The following WSCD2 variants were observed in gnomAD, a reference collection of about 807,000 sequenced individuals.
WSCD2 encodes WSC domain sialate O sulfotransferase 2.
Under a neutral mutation model 55.7 loss-of-function variants are expected in WSCD2, and 28 were observed. The ratio of observed to expected loss-of-function variants is 0.50; its 90% CI spans 0.37 to 0.69. The LOEUF is 0.69. Among genes scored for constraint, WSCD2 ranks in the 30% least tolerant of loss-of-function variants. The pLI, the probability that WSCD2 is intolerant of heterozygous loss-of-function variation, is 0.00. For synonymous variants in WSCD2, 301 were observed against 301.9 expected (o/e 1.00, Z 0.03); for missense variants, 616 against 762.1 (o/e 0.81, Z 2.26).
At chr12:108,172,775 G>A (rs962501505) in intron 1 of WSCD2, among the ~76,000 whole-genome samples, 1 of 152,164 alleles carries the variant, frequency 6.6e-6, no homozygotes, top group Non-Finnish European at 1.5e-5. Context: ...ACAGAGCTGT[G>A]AGAGAGTAAA....
At chr12:108,226,648 T>A (rs1888125865) in intron 5 of WSCD2, among the ~76,000 whole-genome samples, 1 of 152,196 alleles carries the variant, frequency 6.6e-6, no homozygotes, top group African/African-American at 2.4e-5. Flanking sequence ...ATCACTTGTT[T>A]TGTTTCTATA....
intron 8 of WSCD2, among the ~76,000 whole-genome samples, chr12:108,247,014 G>A (rs6539420): frequency 0.97 from 147,525 of 152,306 alleles, 71,464 homozygotes; most frequent in East Asian, 1. Flanking sequence ...TAGAAACTTT[G>A]TTATATGTTT....
intron 8 of WSCD2, 122 bp downstream of exon 8, chr12:108,240,666 TGGA>T: frequency 1.7e-6 from 2 of 1,173,488 alleles, no homozygotes; most frequent in Non-Finnish European, 1.2e-6. Flanking sequence ...CGAGGAACCC[TGGA>T]GGACATCCTG....
rs760590211 is a variant in WSCD2, at chr12:108,195,967, C to G, written c.135C>G (p.Val45=). The G allele has an allele frequency of 6.2e-7, 1 of 1,614,226 alleles. No homozygotes were observed. Among genetic ancestry groups the G allele is most frequent in the Non-Finnish European group, 8.5e-7 (1 of 1,180,036 alleles). Residue 45 remains valine (V), a synonymous_variant, in exon 2 of 9, where the codon GTC becomes GTG. Transcript: ENST00000547525. ...CTGGCTTTGTGGGCCAGCCCGCTGT[C>G]TCGGGGAACCAGGCGAACCCCGCTG... ...LHSGFVGQPA[V]SGNQANPAAA...
chr12:108,161,380 C>T (rs1879036432), intron 1 of WSCD2, among the ~76,000 whole-genome samples: 1 of 152,118 alleles, frequency 6.6e-6, no homozygotes, highest in African/African-American at 2.4e-5. Flanking sequence ...GAGTGGGCCC[C>T]TAATCCAATG....
chr12:108,166,765 C>CTTTCTTTCTT (rs2136955823), intron 1 of WSCD2, among the ~76,000 whole-genome samples: 1 of 120,306 alleles, frequency 8.3e-6, no homozygotes, highest in African/African-American at 3.1e-5. Context: ...TCTTTCTTTT[C>CTTTCTTTCTT]TTTCTTTCTT....
chr12:108,237,010 A>G (rs1889325785), intron 7 of WSCD2, among the ~76,000 whole-genome samples: 1 of 152,188 alleles, frequency 6.6e-6, no homozygotes, highest in East Asian at 1.9e-4. Context: ...ACATCAGCCT[A>G]CAGAGTTGGC....
Position 108,195,627 on chromosome 12 carries a change from G to A in WSCD2, c.-206G>A. 1 of 688,778 alleles carries A rather than the reference G, an allele frequency of 1.5e-6. No individual in the cohort carries two copies. Among genetic ancestry groups the A allele is most frequent in the Non-Finnish European group, 2.3e-6 (1 of 431,240 alleles). 42.7% of individuals were successfully genotyped at this position (688,778 alleles called of 1,614,324 possible). A position where few individuals can be genotyped will look rare whatever the true frequency, so the allele number is the denominator to read the frequency against. On this transcript the variant is annotated 5_prime_UTR_variant, in exon 2 of 9. It introduces an in-frame stop codon into an upstream open reading frame of the 5' UTR. Coordinates refer to ENST00000547525, the MANE Select transcript of WSCD2 (RefSeq NM_014653.4). ...AGCTCACCTTCAGTTTGGGAGGGCT[G>A]GTAAGCTCCATCCTTTCTCATGGCC...
chr12:108,224,957 C>T lies in WSCD2; in HGVS notation c.804+97C>T, dbSNP rs189439655. On this transcript the variant is annotated intron_variant, in intron 5 of 8. Transcript: ENST00000547525. ...TTGGCTGGAGAAGCAACAGCTCAGT[C>T]GGGATAGATGTAGTCGTTGACTGGG... 466 of 1,522,178 alleles carry T rather than the reference C, an allele frequency of 3.1e-4. 2 individuals carry two copies. The African/African-American group carries it at 5.9e-3, about 19-fold the overall frequency. The allele number at this position is 1,522,178 out of a possible 1,614,324, so 94.3% of individuals were successfully genotyped here.
chr12:108,165,203 T>C (rs1458437796), intron 1 of WSCD2, among the ~76,000 whole-genome samples: 1 of 152,158 alleles, frequency 6.6e-6, no homozygotes, highest in Non-Finnish European at 1.5e-5. Flanking sequence ...TTGAGGCAGA[T>C]TTTAACCCTG....
intron 1 of WSCD2, among the ~76,000 whole-genome samples, chr12:108,151,329 G>A (rs1249109313): frequency 6.6e-6 from 1 of 152,118 alleles, no homozygotes; most frequent in Admixed American, 6.5e-5. Context: ...CAATAAAAAT[G>A]TCTCCAGACA....
intron 1 of WSCD2, chr12:108,171,983 T>G (rs971973206): frequency 1.3e-5 from 2 of 152,336 alleles, no homozygotes. Flanking sequence ...AGGCTTTGCA[T>G]TCAGTCAATT....
chr12:108,224,686 C>A lies in WSCD2; in HGVS notation c.683-53C>A, dbSNP rs940024554. 2.1e-5 allele frequency: 33 copies of A among 1,574,308 alleles called. No homozygotes were observed. In the Admixed American group the frequency reaches 5.6e-4, roughly 27 times the overall value. On this transcript the variant is annotated intron_variant, in intron 4 of 8. Coordinates refer to ENST00000547525, the MANE Select transcript of WSCD2 (RefSeq NM_014653.4). ...TTTCTTCAGAATGTGGTTTTCCCAA[C>A]CAGATCTGACTCCTTGTATATCTGA... is the stretch of plus-strand genomic sequence containing the variant.
At chr12:108,133,113 G>T (rs1452899631) in intron 1 of WSCD2, among the ~76,000 whole-genome samples, 1 of 151,990 alleles carries the variant, frequency 6.6e-6, no homozygotes, top group East Asian at 1.9e-4. Flanking sequence ...ACTTTTTGTG[G>T]ATCTCTCGAC....
In WSCD2 at chr12:108,210,367, A is replaced by G; in HGVS notation, c.682+62A>G. ...CCCTCAGCTGCAGCCCTTGCCCACC[A>G]AAGAGTCCCACATGTCTGCCCTGTA... On this transcript the variant is annotated intron_variant, in intron 4 of 8. Transcript: ENST00000547525. The surrounding 1 kb of genome is among the most constrained non-coding windows in gnomAD (Gnocchi z 4.3). 8.0e-6 allele frequency: 12 copies of G among 1,507,498 alleles called. No individual in the cohort carries two copies. The highest frequency in any genetic ancestry group is 1.1e-5 in the Non-Finnish European group (12 of 1,131,924). The allele number at this position is 1,507,498 out of a possible 1,614,324, so 93.4% of individuals were successfully genotyped here.
intron 2 of WSCD2, among the ~76,000 whole-genome samples, chr12:108,198,346 G>A (rs1040698961): frequency 3.9e-5 from 6 of 152,144 alleles, no homozygotes; most frequent in Non-Finnish European, 7.4e-5. Flanking sequence ...CCTCTACATC[G>A]TTAGCTCTAC....
chr12:108,163,725 T>C (rs964932030), intron 1 of WSCD2, among the ~76,000 whole-genome samples: 1 of 152,176 alleles, frequency 6.6e-6, no homozygotes, highest in Non-Finnish European at 1.5e-5. Flanking sequence ...AGCCAAGGCA[T>C]GCAGGCAGCT....
chr12:108,232,877 G>A lies in WSCD2; in HGVS notation c.1126G>A (p.Gly376Ser). Residue 376 changes from glycine (G) to serine (S), a missense_variant, in exon 7 of 9, where the codon GGC becomes AGC. This residue lies in a region of WSCD2 where 234 missense variants were observed against 264.6 expected (regional missense o/e 0.88). Coordinates refer to ENST00000547525, the MANE Select transcript of WSCD2 (RefSeq NM_014653.4). ...CTACACTGGCAGCTACTACTTCGAT[G>A]GCTCCCTCTACAACAAAGGTGAGGA... ...GFYTGSYYFD[G>S]SLYNKGFKGE... is the part of the protein sequence containing the mutation. 1 of 1,613,398 alleles carries A rather than the reference G, an allele frequency of 6.2e-7. No homozygotes were observed. The highest frequency in any genetic ancestry group is 8.5e-7 in the Non-Finnish European group (1 of 1,179,524).
At chr12:108,237,283 C>G (rs900430823) in intron 7 of WSCD2, among the ~76,000 whole-genome samples, 2 of 152,344 alleles carry the variant, frequency 1.3e-5, no homozygotes, top group African/African-American at 4.8e-5. Context: ...AAGGGAAAAA[C>G]ATGTCTTGTT....
Sources: allele counts gnomAD v4.1 joint callset (sites outside exome capture counted in the v4.1 genomes callset), GRCh38; gene constraint gnomAD v4.1.1; regional missense constraint gnomAD v4.1.1; non-coding constraint Gnocchi (gnomAD v3.1); transcripts MANE v1.5; gene names NCBI Gene and HGNC (gene_info 2026-07-23, HGNC 2026-07-21).